The following ASZ1 variants were observed in gnomAD, a reference collection of about 807,000 sequenced individuals.
The protein encoded by ASZ1 is ankyrin repeat, SAM and basic leucine zipper domain-containing protein 1.
In ASZ1, 67 loss-of-function variants were observed where a neutral mutation model predicts 61.8. The observed-to-expected ratio is 1.08, with a 90% CI of 0.89 to 1.33. The LOEUF (loss-of-function observed/expected upper bound fraction) is 1.33. Among genes scored for constraint, ASZ1 ranks in the 40% most tolerant of loss-of-function variants. ASZ1 has a pLI of 0.00. For missense variants in ASZ1, 577 were observed against 554.5 expected (o/e 1.04, Z -0.41); for synonymous variants, 193 against 192.7 (o/e 1.00, Z -0.01).
intron 6 of ASZ1, 57 bp from the exon 7 acceptor site, chr7:117,383,167 T>C: frequency 7.1e-7 from 1 of 1,406,918 alleles, no homozygotes; most frequent in Non-Finnish European, 9.3e-7. Flanking sequence ...TAACTTACAC[T>C]TAAAAGAAAC....
rs758981226 is a variant in ASZ1, at chr7:117,363,666, C to G, written c.1358G>C (p.Arg453Thr). 23 of 1,609,514 alleles carry G rather than the reference C, an allele frequency of 1.4e-5. No individual in the cohort carries two copies. Among genetic ancestry groups the G allele is most frequent in the Non-Finnish European group, 2.0e-5 (23 of 1,177,718 alleles). ...GAATCCGCATATGGTAATAGCTGTC[C>G]TCTTCAAAATTCTACTATTCCATGT... ...VSTWNSRILK[R>T]TAITICGFGF... Residue 453 changes from arginine to threonine, a missense_variant, in exon 13 of 13, where the codon AGG (arginine) becomes ACG (threonine). Coordinates refer to ENST00000284629, the MANE Select transcript of ASZ1 (RefSeq NM_130768.3).
chr7:117,377,017 G>GA lies in ASZ1; in HGVS notation c.1055+2920dup, dbSNP rs548366639. 3.7e-4 allele frequency among the ~76,000 whole-genome samples: 56 copies of GA among 152,064 alleles called. 1 individual carries two copies. The East Asian group carries it at 9.5e-3, about 26-fold the overall frequency. On this transcript the variant is annotated intron_variant, in intron 10 of 12. Transcript: ENST00000284629. ...TGCAGACTACATGATTATCTACATA[G>GA]AAAATCTCAAACAATCTACAAAAAG...
At position 117,426,872 on chromosome 7, in the gene ASZ1, C is replaced by CGAG; in HGVS notation, c.168_169insCTC (p.Ile56_Gly57insLeu). 6.2e-7 allele frequency: 1 copy of CGAG among 1,613,266 alleles called. No individual in the cohort carries two copies. Among genetic ancestry groups the CGAG allele is most frequent in the Non-Finnish European group, 8.5e-7 (1 of 1,179,820 alleles). Reference sequence around the variant, plus strand: ...AGCTCCTGGACCAATGAAACATCTCCGATGGTCATTGCTTTCTTAAATTTT... The same window carrying CGAG: ...AGCTCCTGGACCAATGAAACATCTCCGAGGATGGTCATTGCTTTCTTAAATTTT... On this transcript the variant is annotated inframe_insertion, in exon 2 of 13. Transcript: ENST00000284629.
chr7:117,365,059 T>C (rs1795908819), intron 12 of ASZ1, among the ~76,000 whole-genome samples: 1 of 152,094 alleles, frequency 6.6e-6, no homozygotes. Flanking sequence ...AATATAAGCT[T>C]AACAGGCATG....
intron 4 of ASZ1, among the ~76,000 whole-genome samples, chr7:117,391,649 C>T (rs372343479): frequency 6.6e-6 from 1 of 152,106 alleles, no homozygotes; most frequent in Non-Finnish European, 1.5e-5. Context: ...CATTGGGCTA[C>T]ATGTCTATGT....
intron 4 of ASZ1, among the ~76,000 whole-genome samples, chr7:117,399,065 C>T (rs1473348399): frequency 1.3e-5 from 2 of 151,972 alleles, no homozygotes; most frequent in African/African-American, 4.8e-5. Context: ...TCTGTCTTTA[C>T]AAAAAATTTA....
chr7:117,397,486 T>C (rs1473090822), intron 4 of ASZ1, among the ~76,000 whole-genome samples: 1 of 152,184 alleles, frequency 6.6e-6, no homozygotes, highest in African/African-American at 2.4e-5. Flanking sequence ...GCTGAGAACA[T>C]AAAAAATATC....
chr7:117,386,602 C>T (rs1045499115), intron 4 of ASZ1, among the ~76,000 whole-genome samples: 8 of 152,022 alleles, frequency 5.3e-5, no homozygotes, highest in Admixed American at 3.3e-4. Flanking sequence ...TTTCCTGAGT[C>T]GTCCTCAAGA....
At chr7:117,379,133 T>TTA (rs370500034) in intron 10 of ASZ1, among the ~76,000 whole-genome samples, 4,583 of 102,930 alleles carry the variant, frequency 0.045, 101 homozygotes, top group Non-Finnish European at 0.072. Flanking sequence ...TGTGATAAAA[T>TTA]TATATATATA....
chr7:117,406,027 T>G (rs1166446083), intron 4 of ASZ1, among the ~76,000 whole-genome samples: 2 of 152,186 alleles, frequency 1.3e-5, no homozygotes, highest in Admixed American at 1.3e-4. Context: ...GGTTGGCTAC[T>G]CCCAGATTCT....
At chr7:117,411,867 T>G (rs1170596039) in intron 4 of ASZ1, among the ~76,000 whole-genome samples, 1 of 151,804 alleles carries the variant, frequency 6.6e-6, no homozygotes, top group Non-Finnish European at 1.5e-5. Flanking sequence ...GACAGTACTC[T>G]TAACCACCAT....
At chr7:117,411,572 A>G (rs1435056104) in intron 4 of ASZ1, among the ~76,000 whole-genome samples, 2 of 151,866 alleles carry the variant, frequency 1.3e-5, no homozygotes, top group Non-Finnish European at 3.0e-5. Flanking sequence ...CAGTTTGGAT[A>G]TAACTTGCAA....
chr7:117,398,761 C>T (rs930768358), intron 4 of ASZ1, among the ~76,000 whole-genome samples: 3 of 152,064 alleles, frequency 2.0e-5, no homozygotes, highest in African/African-American at 7.2e-5. Flanking sequence ...CAATTCTGAC[C>T]CACTTTCTAC....
At position 117,370,423 on chromosome 7, in the gene ASZ1, G is replaced by A. The variant is rs558314529; in HGVS notation, c.1056-1706C>T. Among the ~76,000 whole-genome samples, 3 of 152,264 alleles carry A rather than the reference G, an allele frequency of 2.0e-5. No individual in the cohort carries two copies. The South Asian group carries it at 6.2e-4, about 32-fold the overall frequency. On this transcript the variant is annotated intron_variant, in intron 10 of 12. Coordinates refer to ENST00000284629, the MANE Select transcript of ASZ1 (RefSeq NM_130768.3). Reference sequence around the variant, plus strand: ...AGAGTTGTTATGAATGGCAATGAAAGGGATGGATTCAAAGGAGAAAAGATT... The same window carrying A: ...AGAGTTGTTATGAATGGCAATGAAAAGGATGGATTCAAAGGAGAAAAGATT...
rs1796215547 is a variant in ASZ1, at chr7:117,379,818, CT to C, written c.1055+119del. On this transcript the variant is annotated intron_variant, in intron 10 of 12. Coordinates refer to ENST00000284629, the MANE Select transcript of ASZ1 (RefSeq NM_130768.3). ...TTCAGAACACAGTATCTTCCAAAAT[CT>C]ATTACCCTGGGAAAATGATGGTATC... 3 of 616,950 alleles carry C rather than the reference CT, an allele frequency of 4.9e-6. No homozygotes were observed. In the East Asian group the frequency reaches 9.0e-5, roughly 18 times the overall value. The allele number at this position is 616,950 out of a possible 1,614,324, so 38.2% of individuals were successfully genotyped here. A position where few individuals can be genotyped will look rare whatever the true frequency, so the allele number is the denominator to read the frequency against.
intron 10 of ASZ1, among the ~76,000 whole-genome samples, chr7:117,370,060 G>A (rs373072550): frequency 5.0e-4 from 76 of 152,216 alleles, no homozygotes; most frequent in Middle Eastern, 3.4e-3. Flanking sequence ...CATGCGGGTG[G>A]CAACAACCAG....
intron 1 of ASZ1, 107 bp downstream of exon 1, chr7:117,427,248 AG>A: frequency 2.4e-6 from 3 of 1,244,514 alleles, no homozygotes; most frequent in Non-Finnish European, 3.5e-6. Flanking sequence ...ACTGGGTAAA[AG>A]GGAAATACAC....
rs773182626 is a variant in ASZ1, at chr7:117,367,381, C to G, written c.1246G>C (p.Val416Leu). ...VNNVEDLSEKVCKLKDLIQKL... is the reference protein window; with the variant it reads ...VNNVEDLSEKLCKLKDLIQKL... Reference sequence around the variant, plus strand: ...TGAATTAGGTCTTTTAGTTTGCAGACCTTTTCACTCAAATCTTCAACATTA... The same window carrying G: ...TGAATTAGGTCTTTTAGTTTGCAGAGCTTTTCACTCAAATCTTCAACATTA... Residue 416 changes from valine (V) to leucine (L), a missense_variant, in exon 12 of 13, where the codon GTC becomes CTC. Val to Leu is a conservative substitution (Grantham distance 32). Coordinates refer to ENST00000284629, the MANE Select transcript of ASZ1 (RefSeq NM_130768.3). The G allele has an allele frequency of 1.3e-6, 2 of 1,557,908 alleles. No individual in the cohort carries two copies. The highest frequency in any genetic ancestry group is 1.7e-6 in the Non-Finnish European group (2 of 1,155,186).
intron 5 of ASZ1, 53 bp downstream of exon 5, chr7:117,385,645 A>T: frequency 7.2e-7 from 1 of 1,387,080 alleles, no homozygotes; most frequent in African/African-American, 1.5e-5. Flanking sequence ...CTTTTTTTGT[A>T]GATTACTGAT....
Sources: gnomAD v4.1 joint callset for allele counts (sites outside exome capture counted in the v4.1 genomes callset) on GRCh38, gnomAD v4.1.1 for gene constraint, MANE v1.5 for transcripts, NCBI Gene and HGNC (gene_info 2026-07-23, HGNC 2026-07-21) for gene names.